Variants in RRAGD observed in about 807,000 individuals in gnomAD.
RRAGD encodes the protein ras-related GTP-binding protein D.
Under a neutral mutation model 35.5 loss-of-function variants are expected in RRAGD, and 12 were observed. The ratio of observed to expected loss-of-function variants is 0.34; its 90% CI spans 0.22 to 0.55. The LOEUF (loss-of-function observed/expected upper bound fraction) is 0.55. Among genes scored for constraint, RRAGD ranks in the 20% least tolerant of loss-of-function variants. RRAGD has a pLI of 0.91. For missense variants in RRAGD, 324 were observed against 490.1 expected (o/e 0.66, Z 3.20); for synonymous variants, 155 against 178.9 (o/e 0.87, Z 1.07).
rs1404017974 is a variant in RRAGD, at chr6:89,367,451, G to GTTTA, written c.*604_*605insTAAA. On this transcript the variant is annotated 3_prime_UTR_variant, in exon 7 of 7. Transcript: ENST00000369415. ...CTATAGAAATTTTTAGGTAAGTCTG[G>GTTTA]TGCTAGCATTATTCTACAAAACTGT... The GTTTA allele has an allele frequency of 6.6e-6, 1 of 152,156 alleles. No individual in the cohort carries two copies. Among genetic ancestry groups the GTTTA allele is most frequent in the East Asian group, 1.9e-4 (1 of 5,204 alleles). 9.4% of individuals were successfully genotyped at this position (152,156 alleles called of 1,614,324 possible). A position where few individuals can be genotyped will look rare whatever the true frequency, so the allele number is the denominator to read the frequency against.
rs1768766701 is a variant in RRAGD at position 89,367,136 on chromosome 6, T to C, written c.*920A>G. On this transcript the variant is annotated 3_prime_UTR_variant, in exon 7 of 7. Coordinates refer to ENST00000369415, the MANE Select transcript of RRAGD (RefSeq NM_021244.5). ...GGCCAAAAGTCCAGAATTGTATCTA[T>C]GTTTTTTAGTCTGCAGTTGCCAATC... 1 of 152,234 alleles carries C rather than the reference T, an allele frequency of 6.6e-6. No individual in the cohort carries two copies. Among genetic ancestry groups the C allele is most frequent in the Admixed American group, 6.5e-5 (1 of 15,286 alleles). 9.4% of individuals were successfully genotyped at this position (152,234 alleles called of 1,614,324 possible).
At chr6:89,398,282 C>T (rs149400783) in intron 1 of RRAGD, among the ~76,000 whole-genome samples, 2 of 152,236 alleles carry the variant, frequency 1.3e-5, no homozygotes, top group Non-Finnish European at 2.9e-5. Flanking sequence ...TTCACAGGTG[C>T]ATATATATGT....
chr6:89,380,757 A>T (rs1226258737), intron 2 of RRAGD, among the ~76,000 whole-genome samples: 3 of 151,960 alleles, frequency 2.0e-5, no homozygotes, highest in Admixed American at 6.6e-5. Flanking sequence ...AATACAAAAA[A>T]TTAGCCAGGC....
At chr6:89,379,798 C>A (rs888133308) in intron 3 of RRAGD, among the ~76,000 whole-genome samples, 1 of 152,104 alleles carries the variant, frequency 6.6e-6, no homozygotes, top group African/African-American at 2.4e-5. Flanking sequence ...TGTGAGGATT[C>A]CTATTTGGAT....
chr6:89,384,612 C>T (rs1246033272), intron 2 of RRAGD, among the ~76,000 whole-genome samples: 1 of 152,014 alleles, frequency 6.6e-6, no homozygotes. Context: ...GTCAAGAGAT[C>T]GAGACCATCC....
intron 6 of RRAGD, among the ~76,000 whole-genome samples, chr6:89,370,273 C>T (rs1768833546): frequency 6.6e-6 from 1 of 152,126 alleles, no homozygotes; most frequent in Non-Finnish European, 1.5e-5. Flanking sequence ...AAAAGATGAA[C>T]ACCATTTAAT....
intron 6 of RRAGD, 28 bp downstream of exon 6, chr6:89,372,409 C>T (rs1425549004): frequency 1.9e-6 from 3 of 1,585,466 alleles, no homozygotes; most frequent in Admixed American, 1.8e-5. Flanking sequence ...TCTTTTAATG[C>T]TTCTTTTAAA....
rs1319209704 is a variant in RRAGD at position 89,384,459 on chromosome 6, T to C, written c.444+2836A>G. On this transcript the variant is annotated intron_variant, in intron 2 of 6. Transcript: ENST00000369415. ...CCTGGGCCTAAGTGGTCCTCCAGCCTTGGCCTCCCAAAGTGTTTGGATTAT... is the reference window on the plus strand; with the variant it reads ...CCTGGGCCTAAGTGGTCCTCCAGCCCTGGCCTCCCAAAGTGTTTGGATTAT... Among the ~76,000 whole-genome samples, 4 of 152,216 alleles carry C rather than the reference T, an allele frequency of 2.6e-5. No homozygotes were observed. In the East Asian group the frequency reaches 7.7e-4, roughly 29 times the overall value.
chr6:89,381,185 A>G (rs1769035932), intron 2 of RRAGD, among the ~76,000 whole-genome samples: 1 of 152,202 alleles, frequency 6.6e-6, no homozygotes, highest in African/African-American at 2.4e-5. Context: ...GTATTGGAAC[A>G]TGCTCATTTG....
At chr6:89,406,468 A>G (rs1193596890) in intron 1 of RRAGD, among the ~76,000 whole-genome samples, 2 of 152,016 alleles carry the variant, frequency 1.3e-5, no homozygotes, top group Non-Finnish European at 2.9e-5. Context: ...AAGCGGCTGG[A>G]CATCGAGAGG....
chr6:89,392,679 CA>C (rs530298818), intron 1 of RRAGD, among the ~76,000 whole-genome samples: 263 of 152,200 alleles, frequency 1.7e-3, no homozygotes, highest in Middle Eastern at 6.8e-3. Context: ...TTGTCTAAAA[CA>C]CTTGTTAATA....
rs887454431 is a variant in RRAGD at position 89,378,087 on chromosome 6, T to C, written c.760-274A>G. 4.6e-5 allele frequency among the ~76,000 whole-genome samples: 7 copies of C among 152,328 alleles called. No homozygotes were observed. In the South Asian group the frequency reaches 1.4e-3, roughly 32 times the overall value. On this transcript the variant is annotated intron_variant, in intron 4 of 6. Coordinates refer to ENST00000369415, the MANE Select transcript of RRAGD (RefSeq NM_021244.5). Reference sequence around the variant, plus strand: ...GGGAGGCCAAGGCGGGCAGATCACCTGAGGCCAGGAGTTCGAAACCAGCCT... The same window carrying C: ...GGGAGGCCAAGGCGGGCAGATCACCCGAGGCCAGGAGTTCGAAACCAGCCT...
At position 89,377,699 on chromosome 6, in the gene RRAGD, C is replaced by T. The variant is rs1407529208; in HGVS notation, c.874G>A (p.Val292Met). 6.2e-7 allele frequency: 1 copy of T among 1,602,176 alleles called. No individual in the cohort carries two copies. Among genetic ancestry groups the T allele is most frequent in the Admixed American group, 1.7e-5 (1 of 57,174 alleles). The change falls in exon 5 of 7, where the codon GTG becomes ATG. Residue 292 changes from valine (V) to methionine (M), a missense_variant. Transcript: ENST00000369415. Reference protein sequence around the residue: ...TYELCCDMIDVVIDISCIYGL... With the variant: ...TYELCCDMIDMVIDISCIYGL... ...TAAATACAAGAGATGTCAATAACCA[C>T]ATCTATCATATCACAGCAGAGCTCA...
chr6:89,396,099 C>T (rs938162939), intron 1 of RRAGD, among the ~76,000 whole-genome samples: 4 of 151,982 alleles, frequency 2.6e-5, no homozygotes, highest in Admixed American at 6.6e-5. Context: ...TTAGATATGA[C>T]ACCCTCCCCC....
rs1316847474 is a variant in RRAGD at position 89,411,814 on chromosome 6, G to T, written c.148+32C>A. On this transcript the variant is annotated intron_variant, in intron 1 of 6. Transcript: ENST00000369415. This position sits in a 1 kb window ranked among gnomAD's most constrained non-coding sequence, Gnocchi z 5.6. ...AAGGCGCCAAGGGGAGGAAAGGGGC[G>T]CGAGCCGAGGACGCGGGGGCCGGGC... is the stretch of plus-strand genomic sequence containing the variant. 6.5e-7 allele frequency: 1 copy of T among 1,533,732 alleles called. No individual in the cohort carries two copies.
chr6:89,406,831 G>C (rs562782438), intron 1 of RRAGD, among the ~76,000 whole-genome samples: 29 of 152,266 alleles, frequency 1.9e-4, no homozygotes, highest in African/African-American at 6.7e-4. Flanking sequence ...TTCAGGAGCT[G>C]TAAACATCCA....
chr6:89,389,609 G>GCT (rs1348112539), intron 1 of RRAGD, among the ~76,000 whole-genome samples: 1 of 151,630 alleles, frequency 6.6e-6, no homozygotes, highest in Non-Finnish European at 1.5e-5. Flanking sequence ...ACCCTGTAGG[G>GCT]CTCTCTCTTT....
intron 6 of RRAGD, among the ~76,000 whole-genome samples, chr6:89,370,941 G>T (rs1289112151): frequency 6.6e-6 from 1 of 150,746 alleles, no homozygotes; most frequent in Non-Finnish European, 1.5e-5. Context: ...TTTTCTAAAA[G>T]AATCTATTAC....
chr6:89,404,462 T>G (rs1271777587), intron 1 of RRAGD, among the ~76,000 whole-genome samples: 1 of 152,184 alleles, frequency 6.6e-6, no homozygotes, highest in Non-Finnish European at 1.5e-5. Context: ...GAAGTTTATT[T>G]ACTGTGGTCA....
Sources: allele counts gnomAD v4.1 joint callset (sites outside exome capture counted in the v4.1 genomes callset), GRCh38; gene constraint gnomAD v4.1.1; non-coding constraint Gnocchi (gnomAD v3.1); transcripts MANE v1.5; gene names NCBI Gene and HGNC (gene_info 2026-07-23, HGNC 2026-07-21).